The following HS2ST1 variants were observed in gnomAD, a reference collection of about 807,000 sequenced individuals.
HS2ST1 encodes heparan sulfate 2-O-sulfotransferase 1, also known as 2-O-sulfotransferase.
In HS2ST1, 18 loss-of-function variants were observed where a neutral mutation model predicts 42.9. The observed-to-expected ratio is 0.42, with a 90% CI of 0.29 to 0.62. The LOEUF (loss-of-function observed/expected upper bound fraction) is 0.62. Among genes scored for constraint, HS2ST1 ranks in the 20% least tolerant of loss-of-function variants. The pLI is 0.21. For missense variants in HS2ST1, 334 were observed against 433.8 expected, an observed-to-expected ratio of 0.77 and a Z score of 2.04; for synonymous variants, 146 against 152.9, an observed-to-expected ratio of 0.95 and a Z score of 0.33.
intron 1 of HS2ST1, among the ~76,000 whole-genome samples, chr1:86,975,779 A>G (rs1648382111): frequency 6.6e-6 from 1 of 152,234 alleles, no homozygotes; most frequent in African/African-American, 2.4e-5. Context: ...ATTTAAAAGC[A>G]TTATCAATGG....
Position 86,915,188 on chromosome 1 carries a change from G to A in HS2ST1, c.124+28G>A, listed in dbSNP as rs367657822. 6 of 1,602,280 alleles carry A rather than the reference G, an allele frequency of 3.7e-6. No individual in the cohort carries two copies. In the South Asian group the frequency reaches 5.6e-5, roughly 15 times the overall value. Reference sequence around the variant, plus strand: ...GAGGAACTGAACTGCCCCGGGCTGAGTGCTGTGGAAGGGGCCGAGGAGGCG... The same window carrying A: ...GAGGAACTGAACTGCCCCGGGCTGAATGCTGTGGAAGGGGCCGAGGAGGCG... On this transcript the variant is annotated intron_variant, in intron 1 of 6. Transcript: ENST00000370550.
intron 1 of HS2ST1, among the ~76,000 whole-genome samples, chr1:87,036,597 A>G (rs1389313876): frequency 6.6e-6 from 1 of 152,180 alleles, no homozygotes; most frequent in East Asian, 1.9e-4. Context: ...TGGCTAGTAT[A>G]TTTGTGTAGG....
chr1:86,953,845 T>C (rs1647593963), intron 1 of HS2ST1, among the ~76,000 whole-genome samples: 1 of 151,880 alleles, frequency 6.6e-6, no homozygotes, highest in Non-Finnish European at 1.5e-5. Flanking sequence ...TAAGGGTTAT[T>C]ATTAGGCCTA....
chr1:87,013,419 T>C (rs995854795), intron 1 of HS2ST1, among the ~76,000 whole-genome samples: 18 of 152,200 alleles, frequency 1.2e-4, no homozygotes. Flanking sequence ...CTTTTAGCCA[T>C]GGCTAGGAAG....
intron 1 of HS2ST1, among the ~76,000 whole-genome samples, chr1:87,017,695 A>G (rs1413073595): frequency 6.7e-6 from 1 of 149,792 alleles, no homozygotes; most frequent in East Asian, 2.0e-4. Context: ...GATTTTTGAT[A>G]TATGTGTCCT....
chr1:86,980,460 T>C (rs1327207738), intron 1 of HS2ST1, among the ~76,000 whole-genome samples: 1 of 150,920 alleles, frequency 6.6e-6, no homozygotes, highest in Non-Finnish European at 1.5e-5. Context: ...TCTAGGATGA[T>C]CCAATTCATT....
chr1:86,929,835 A>G (rs1021963272), intron 1 of HS2ST1, among the ~76,000 whole-genome samples: 2 of 151,876 alleles, frequency 1.3e-5, no homozygotes, highest in African/African-American at 2.4e-5. Context: ...ATAGAGGAAT[A>G]TGTTCTGTAT....
rs899095620 is a variant in HS2ST1 at position 87,105,010 on chromosome 1, G to T, written c.*314G>T. 8.2e-6 allele frequency: 2 copies of T among 243,476 alleles called. No homozygotes were observed. The highest frequency in any genetic ancestry group is 1.6e-5 in the Non-Finnish European group (2 of 125,968). 15.1% of individuals were successfully genotyped at this position (243,476 alleles called of 1,614,324 possible). ...AAGGCTAAATACAATTTCAGAAAAG[G>T]TTCTGATACTCTTGTTTTTGATAAA... On this transcript the variant is annotated 3_prime_UTR_variant, in exon 7 of 7. Transcript: ENST00000370550.
chr1:86,957,641 G>A (rs1433681812), intron 1 of HS2ST1, among the ~76,000 whole-genome samples: 2 of 151,832 alleles, frequency 1.3e-5, no homozygotes, highest in East Asian at 3.9e-4. Flanking sequence ...ATAGCTACAT[G>A]ACAAGTTACT....
intron 1 of HS2ST1, among the ~76,000 whole-genome samples, chr1:87,005,670 A>G (rs950803724): frequency 3.9e-5 from 6 of 152,158 alleles, no homozygotes; most frequent in Non-Finnish European, 7.4e-5. Context: ...CCTTCGTGGC[A>G]TGTTTAAGAG....
chr1:87,069,149 G>A (rs1414465961), intron 1 of HS2ST1, among the ~76,000 whole-genome samples: 4 of 152,192 alleles, frequency 2.6e-5, no homozygotes, highest in African/African-American at 7.2e-5. Flanking sequence ...AAGAGATAAA[G>A]GAGGTAGGAG....
At chr1:87,008,721 G>A (rs556754150) in intron 1 of HS2ST1, among the ~76,000 whole-genome samples, 1 of 152,272 alleles carries the variant, frequency 6.6e-6, no homozygotes, top group East Asian at 1.9e-4. Flanking sequence ...GGCTCAAGAA[G>A]GTTTCACAAG....
At chr1:87,075,636 T>C (rs897958887) in intron 2 of HS2ST1, among the ~76,000 whole-genome samples, 1 of 152,178 alleles carries the variant, frequency 6.6e-6, no homozygotes, top group Non-Finnish European at 1.5e-5. Flanking sequence ...GACCATCCTC[T>C]TTATTCCCTC....
chr1:87,089,484 C>G (rs1651888569), intron 3 of HS2ST1, among the ~76,000 whole-genome samples: 1 of 151,942 alleles, frequency 6.6e-6, no homozygotes, highest in South Asian at 2.1e-4. Context: ...AAATGATTGA[C>G]CAGAGTTAAA....
chr1:86,961,405 CAAGAA>C (rs1345115071), intron 1 of HS2ST1, among the ~76,000 whole-genome samples: 4 of 151,646 alleles, frequency 2.6e-5, no homozygotes, highest in Admixed American at 2.6e-4. Context: ...GTTGATAAAA[CAAGAA>C]AAGCTAAGAA....
At chr1:87,090,682 G>T (rs1651917694) in intron 3 of HS2ST1, among the ~76,000 whole-genome samples, 1 of 151,814 alleles carries the variant, frequency 6.6e-6, no homozygotes, top group Non-Finnish European at 1.5e-5. Flanking sequence ...TCTTTCAGTG[G>T]CCTCCCTCCT....
intron 1 of HS2ST1, among the ~76,000 whole-genome samples, chr1:87,020,729 C>T (rs1025382542): frequency 6.6e-6 from 1 of 152,172 alleles, no homozygotes; most frequent in African/African-American, 2.4e-5. Context: ...TGTGTCTTCA[C>T]ATAGTCTCTG....
intron 1 of HS2ST1, among the ~76,000 whole-genome samples, chr1:87,028,503 T>A (rs1466900936): frequency 1.3e-5 from 2 of 152,210 alleles, no homozygotes; most frequent in African/African-American, 4.8e-5. Flanking sequence ...GTTGAGGACA[T>A]TCTGTTTTTT....
At chr1:87,046,441 T>C in intron 1 of HS2ST1, 2 of 941,104 alleles carry the variant, frequency 2.1e-6, no homozygotes, top group Non-Finnish European at 3.5e-6. Flanking sequence ...AACATTCTAA[T>C]AAAGAAGGTG....
Sources: allele counts gnomAD v4.1 joint callset (sites outside exome capture counted in the v4.1 genomes callset), GRCh38; gene constraint gnomAD v4.1.1; transcripts MANE v1.5; gene names NCBI Gene and HGNC (gene_info 2026-07-23, HGNC 2026-07-21).